PDE3A: variants seen among roughly 807,000 people sequenced by gnomAD.
PDE3A encodes cGMP-inhibited 3',5'-cyclic phosphodiesterase 3A.
In PDE3A, 43 loss-of-function variants were observed where a neutral mutation model predicts 98.3. That is an observed-to-expected ratio of 0.44 (90% CI 0.34 to 0.56). The LOEUF is 0.56. Among genes scored for constraint, PDE3A ranks in the 20% least tolerant of loss-of-function variants. The pLI is 0.01. For missense variants in PDE3A, 1,427 were observed against 1,440.7 expected (o/e 0.99, Z 0.15); for synonymous variants, 663 against 567.9 (o/e 1.17, Z -2.38).
chr12:20,475,080 G>A (rs967291266), intron 1 of PDE3A, among the ~76,000 whole-genome samples: 1 of 151,942 alleles, frequency 6.6e-6, no homozygotes, highest in Admixed American at 6.6e-5. Context: ...TCAAAAATGA[G>A]TGACCAAATA....
intron 14 of PDE3A, among the ~76,000 whole-genome samples, chr12:20,653,230 T>C (rs1274330205): frequency 6.6e-6 from 1 of 152,130 alleles, no homozygotes; most frequent in Non-Finnish European, 1.5e-5. Flanking sequence ...TCACAGGAGA[T>C]ATATTAAAAT....
In PDE3A at chr12:20,369,554, G is replaced by A. The variant is rs1360770416; in HGVS notation, c.270G>A (p.Glu90=). The change falls in exon 1 of 16, where the codon GAG becomes GAA. Residue 90 remains glutamate (E), a synonymous_variant. Coordinates refer to ENST00000359062, the MANE Select transcript of PDE3A (RefSeq NM_000921.5). The part of the protein sequence containing the change: ...LVRGEVGCDL[E]QCKEAAAAEE... ...GCGGGGAGGTCGGCTGTGACCTGGA[G>A]CAGTGTAAGGAGGCGGCGGCGGCGG... The A allele has an allele frequency of 6.4e-7, 1 of 1,557,750 alleles. No homozygotes were observed. The highest frequency in any genetic ancestry group is 1.9e-5 in the Admixed American group (1 of 52,188).
chr12:20,448,458 T>A (rs1188369672), intron 1 of PDE3A, among the ~76,000 whole-genome samples: 1 of 152,126 alleles, frequency 6.6e-6, no homozygotes, highest in Non-Finnish European at 1.5e-5. Flanking sequence ...GAAATATTAG[T>A]GAAGAGGACA....
chr12:20,680,140 A>C lies in PDE3A; in HGVS notation c.3295A>C (p.Ile1099Leu). The change falls in exon 16 of 16, where the codon ATA (isoleucine) becomes CTA (leucine). Residue 1099 changes from isoleucine (I) to leucine (L), a missense_variant. Physicochemically the swap from Ile to Leu is conservative, Grantham distance 5. Coordinates refer to ENST00000359062, the MANE Select transcript of PDE3A (RefSeq NM_000921.5). ...TGAAGAGGAGCAACGGTTGGCAGGC[A>C]TAGAAAATCAATCCCTGGACCAGAC... ...VIEEEQRLAG[I>L]ENQSLDQTPQ... is the part of the protein sequence containing the mutation. 1 of 1,614,026 alleles carries C rather than the reference A, an allele frequency of 6.2e-7. No homozygotes were observed. The highest frequency in any genetic ancestry group is 8.5e-7 in the Non-Finnish European group (1 of 1,179,934).
At chr12:20,372,974 A>T (rs56350335) in intron 1 of PDE3A, among the ~76,000 whole-genome samples, 56,386 of 151,870 alleles carry the variant, frequency 0.37, 10,552 homozygotes, top group East Asian at 0.41. Flanking sequence ...CCAAAAGTGC[A>T]AAGAGAATAT....
intron 1 of PDE3A, among the ~76,000 whole-genome samples, chr12:20,532,171 G>T (rs1049956235): frequency 3.3e-5 from 5 of 151,970 alleles, no homozygotes; most frequent in Non-Finnish European, 7.4e-5. Flanking sequence ...TTTATGAAAA[G>T]CTATATAAAG....
chr12:20,379,457 T>C, intron 1 of PDE3A, among the ~76,000 whole-genome samples: 1 of 151,674 alleles, frequency 6.6e-6, no homozygotes, highest in Non-Finnish European at 1.5e-5. Flanking sequence ...AGAATTTGCT[T>C]TCTAGTCTCA....
chr12:20,651,925 C>G (rs531700610), intron 14 of PDE3A, among the ~76,000 whole-genome samples: 10 of 151,838 alleles, frequency 6.6e-5, no homozygotes, highest in Non-Finnish European at 1.2e-4. Context: ...CTCCTCCCCC[C>G]ACCCCACAAC....
At chr12:20,413,641 A>G (rs1032677864) in intron 1 of PDE3A, among the ~76,000 whole-genome samples, 2 of 152,128 alleles carry the variant, frequency 1.3e-5, no homozygotes, top group African/African-American at 4.8e-5. Flanking sequence ...GTGAGATGAG[A>G]CAGGTGGGGG....
At chr12:20,671,481 C>A (rs1410089054) in intron 15 of PDE3A, among the ~76,000 whole-genome samples, 1 of 100,174 alleles carries the variant, frequency 1.0e-5, no homozygotes, top group Non-Finnish European at 2.5e-5. Context: ...TCCAGCAGCA[C>A]ATCAAAAAGC....
chr12:20,669,610 G>C lies in PDE3A; in HGVS notation c.3185-10420G>C, dbSNP rs533689628. ...TATCCAGCCAAACTAAGCTTCATAA[G>C]CGAAGGAGAAATAAAATACTTTACA... On this transcript the variant is annotated intron_variant, in intron 15 of 15. Coordinates refer to ENST00000359062, the MANE Select transcript of PDE3A (RefSeq NM_000921.5). Among the ~76,000 whole-genome samples the C allele has an allele frequency of 3.0e-3, 462 of 151,962 alleles. 3 individuals carry two copies. Among genetic ancestry groups the C allele is most frequent in the African/African-American group, 0.01 (422 of 41,422 alleles).
intron 1 of PDE3A, among the ~76,000 whole-genome samples, chr12:20,464,820 AG>A (rs1321775658): frequency 6.6e-6 from 1 of 152,208 alleles, no homozygotes; most frequent in Non-Finnish European, 1.5e-5. Flanking sequence ...TTGTTTATAC[AG>A]GGCTTTCTAG....
At chr12:20,537,936 G>T (rs561323118) in intron 1 of PDE3A, among the ~76,000 whole-genome samples, 1 of 151,612 alleles carries the variant, frequency 6.6e-6, no homozygotes, top group Non-Finnish European at 1.5e-5. Context: ...ACATCCACAA[G>T]TTATTTCTAC....
At chr12:20,466,012 A>G (rs1287286249) in intron 1 of PDE3A, among the ~76,000 whole-genome samples, 1 of 152,200 alleles carries the variant, frequency 6.6e-6, no homozygotes, top group Non-Finnish European at 1.5e-5. Flanking sequence ...TGAAGAGCCA[A>G]TGAACTAAGT....
At chr12:20,641,751 T>C (rs1298117586) in intron 10 of PDE3A, among the ~76,000 whole-genome samples, 1 of 152,168 alleles carries the variant, frequency 6.6e-6, no homozygotes, top group African/African-American at 2.4e-5. Flanking sequence ...TATTTTCTTA[T>C]TACATTTTTA....
intron 4 of PDE3A, among the ~76,000 whole-genome samples, chr12:20,617,612 T>A (rs1944036673): frequency 6.6e-6 from 1 of 152,112 alleles, no homozygotes; most frequent in Admixed American, 6.5e-5. Context: ...TATAGTTAAC[T>A]ATTGCTTAAT....
intron 1 of PDE3A, among the ~76,000 whole-genome samples, chr12:20,415,937 T>C (rs903158260): frequency 6.6e-6 from 1 of 152,220 alleles, no homozygotes; most frequent in African/African-American, 2.4e-5. Context: ...GGATGTGATA[T>C]TCAATTTCTA....
chr12:20,650,442 T>C lies in PDE3A; in HGVS notation c.2770-3T>C, dbSNP rs1008648272. The C allele has an allele frequency of 1.3e-6, 2 of 1,586,916 alleles. No individual in the cohort carries two copies. Among genetic ancestry groups the C allele is most frequent in the South Asian group, 1.1e-5 (1 of 88,326 alleles). ...ACATATATTAACTTTATCTCTCAAA[T>C]AGGTAAATGATGATGTTGGAATAGA... On this transcript the variant is annotated splice_polypyrimidine_tract_variant and splice_region_variant and intron_variant, in intron 13 of 15. Transcript: ENST00000359062.
chr12:20,446,534 C>T (rs1459542620), intron 1 of PDE3A, among the ~76,000 whole-genome samples: 1 of 152,150 alleles, frequency 6.6e-6, no homozygotes, highest in Non-Finnish European at 1.5e-5. Flanking sequence ...CTTGTTACCA[C>T]TGGAGTTTGT....
Sources: allele counts gnomAD v4.1 joint callset (sites outside exome capture counted in the v4.1 genomes callset), GRCh38; gene constraint gnomAD v4.1.1; transcripts MANE v1.5; gene names NCBI Gene and HGNC (gene_info 2026-07-23, HGNC 2026-07-21).